STRIP1: variants seen among roughly 807,000 people sequenced by gnomAD.
The protein encoded by STRIP1 is striatin interacting protein 1.
STRIP1 carries 63 observed loss-of-function variants against 106.2 expected under a neutral mutation model. That is an observed-to-expected ratio of 0.59 (90% CI 0.48 to 0.73). The LOEUF (loss-of-function observed/expected upper bound fraction) is 0.73. Ranked by LOEUF, STRIP1 falls within the 30% of genes least tolerant of loss-of-function variation. STRIP1 has a pLI of 0.00. For missense variants in STRIP1, 857 were observed against 1,074.8 expected (o/e 0.80, Z 2.83); for synonymous variants, 390 against 413.0 (o/e 0.94, Z 0.67).
chr1:110,043,702 TC>T lies in STRIP1; in HGVS notation c.1133del (p.Ser378PhefsTer26). The T allele has an allele frequency of 6.2e-7, 1 of 1,614,136 alleles. No homozygotes were observed. Among genetic ancestry groups the T allele is most frequent in the East Asian group, 2.2e-5 (1 of 44,882 alleles). On this transcript the variant is annotated frameshift_variant, in exon 10 of 21. Coordinates refer to ENST00000369795, the MANE Select transcript of STRIP1 (RefSeq NM_033088.4). LOFTEE classifies it high-confidence loss of function. ...GCGGGATCCCTACAAGGCTGATGACTCTCGAGAAGAGGAAGAGGAGAATGAT... is the reference window on the plus strand; with the variant it reads ...GCGGGATCCCTACAAGGCTGATGACTTCGAGAAGAGGAAGAGGAGAATGAT... ...NERDPYKADDSREEEEENDDD... is the reference protein window; with the variant it reads ...NERDPYKADDXREEEEENDDD...
chr1:110,043,560 TGCTGTGTCTCCTCTG>T, intron 9 of STRIP1, 64 bp from the exon 10 acceptor site: 1 of 1,272,752 alleles, frequency 7.9e-7, no homozygotes, highest in East Asian at 2.4e-5. Context: ...CACCTGTATG[TGCTGTGTCTCCTCTG>T]GCTGCACTTC....
At position 110,051,037 on chromosome 1, in the gene STRIP1, A is replaced by G; in HGVS notation, c.2038A>G (p.Lys680Glu). ...NLLRILNKLT[K>E]WKHSRTMMLV... ...GCTTCGGATCTTGAACAAGCTGACA[A>G]AGTGGAAGCATTCAAGGACAATGGT... The change falls in exon 19 of 21, where the codon AAG (lysine) becomes GAG (glutamate). Residue 680 changes from lysine (K) to glutamate (E), a missense_variant. Lys to Glu is a moderately conservative substitution (Grantham distance 56, BLOSUM62 1). This residue lies in a region of STRIP1 where 750 missense variants were observed against 989.8 expected (regional missense o/e 0.76). Transcript: ENST00000369795. 2 of 1,612,248 alleles carry G rather than the reference A, an allele frequency of 1.2e-6. No homozygotes were observed. Among genetic ancestry groups the G allele is most frequent in the East Asian group, 2.2e-5 (1 of 44,876 alleles).
rs1343500971 is a variant in STRIP1, at chr1:110,037,862, T to A, written c.181-29T>A. On this transcript the variant is annotated intron_variant, in intron 1 of 20. Transcript: ENST00000369795. ...TCTTTGATAAATAGAATGATCCTTT[T>A]TCCTAAAGCTCTCTCCTCTTGTCAG... The A allele has an allele frequency of 2.0e-6, 3 of 1,530,686 alleles. No individual in the cohort carries two copies. In the East Asian group the frequency reaches 6.8e-5, roughly 34 times the overall value. The allele number at this position is 1,530,686 out of a possible 1,614,324, so 94.8% of individuals were successfully genotyped here.
In STRIP1 at chr1:110,039,207, C is replaced by T; in HGVS notation, c.361C>T (p.Gln121Ter). Residue 121 changes from glutamine to a stop codon, truncating the protein, a stop_gained, in exon 4 of 21, where the codon CAG (glutamine) becomes TAG (stop). Transcript: ENST00000369795. LOFTEE classifies it high-confidence loss of function. ...DKKWTELDTN[Q>*]HRTHAMRLLD... ...GAAGTGGACTGAGCTGGATACCAACCAGCACCGGACCCATGCCATGAGGCT... is the reference window on the plus strand; with the variant it reads ...GAAGTGGACTGAGCTGGATACCAACTAGCACCGGACCCATGCCATGAGGCT... 2 of 1,614,206 alleles carry T rather than the reference C, an allele frequency of 1.2e-6. No individual in the cohort carries two copies. The highest frequency in any genetic ancestry group is 1.7e-6 in the Non-Finnish European group (2 of 1,180,032).
chr1:110,035,980 C>G (rs1652433168), intron 1 of STRIP1, among the ~76,000 whole-genome samples: 1 of 152,160 alleles, frequency 6.6e-6, no homozygotes, highest in African/African-American at 2.4e-5. Flanking sequence ...GGATGACGGA[C>G]ATCAGTGTTA....
intron 13 of STRIP1, among the ~76,000 whole-genome samples, 180 bp downstream of exon 13, chr1:110,046,931 T>C (rs558899474): frequency 6.6e-6 from 1 of 151,548 alleles, no homozygotes; most frequent in Non-Finnish European, 1.5e-5. Flanking sequence ...GCGCCTGTAG[T>C]CCCAGCTATT....
chr1:110,040,025 C>T, intron 5 of STRIP1: 1 of 602,270 alleles, frequency 1.7e-6, no homozygotes, highest in South Asian at 1.5e-5. Flanking sequence ...GCATTGTTCT[C>T]AGAATATTAC....
rs1652835057 is a variant in STRIP1 at position 110,042,971 on chromosome 1, G to T, written c.886-117G>T. The T allele has an allele frequency of 2.6e-5, 26 of 985,278 alleles. No individual in the cohort carries two copies. The South Asian group carries it at 4.4e-4, about 17-fold the overall frequency. The allele number at this position is 985,278 out of a possible 1,614,324, so 61.0% of individuals were successfully genotyped here. A position where few individuals can be genotyped will look rare whatever the true frequency, so the allele number is the denominator to read the frequency against. ...TCAGTCCATTGTTCAGGAGTTGCCTGGGTCTCTATAAAGACATGGGTCATG... is the reference window on the plus strand; with the variant it reads ...TCAGTCCATTGTTCAGGAGTTGCCTTGGTCTCTATAAAGACATGGGTCATG... On this transcript the variant is annotated intron_variant, in intron 8 of 20. Coordinates refer to ENST00000369795, the MANE Select transcript of STRIP1 (RefSeq NM_033088.4).
At chr1:110,040,542 C>A in intron 5 of STRIP1, 93 bp from the exon 6 acceptor site, 2 of 1,233,024 alleles carry the variant, frequency 1.6e-6, no homozygotes, top group Non-Finnish European at 1.1e-6. Flanking sequence ...GCACGTATCA[C>A]AGCATTTTGT....
chr1:110,042,914 C>T (rs548607205), intron 8 of STRIP1, 174 bp from the exon 9 acceptor site: 6 of 596,976 alleles, frequency 1.0e-5, no homozygotes, highest in Admixed American at 6.1e-5. Context: ...CTTTCCCTTG[C>T]GGATGTCACG....
chr1:110,035,962 G>C (rs1415015848), intron 1 of STRIP1, among the ~76,000 whole-genome samples: 2 of 152,302 alleles, frequency 1.3e-5, no homozygotes, highest in East Asian at 3.9e-4. Flanking sequence ...AGGAGCCCTG[G>C]CATGGTGGGA....
intron 19 of STRIP1, 51 bp from the exon 20 acceptor site, chr1:110,051,632 T>A: frequency 6.6e-7 from 1 of 1,517,306 alleles, no homozygotes; most frequent in Non-Finnish European, 9.0e-7. Context: ...CTGGGATGTA[T>A]GCATTTATTT....
chr1:110,053,568 T>C (rs1465262257), intron 20 of STRIP1, 97 bp from the exon 21 acceptor site: 1 of 1,514,498 alleles, frequency 6.6e-7, no homozygotes, highest in South Asian at 1.3e-5. Context: ...GGAGGTATCC[T>C]GCTCTTAGTT....
intron 1 of STRIP1, among the ~76,000 whole-genome samples, chr1:110,037,360 T>C (rs1317150780): frequency 6.6e-6 from 1 of 152,184 alleles, no homozygotes; most frequent in Non-Finnish European, 1.5e-5. Flanking sequence ...GCGGCTGCCT[T>C]CTTTGTCAGT....
At position 110,041,545 on chromosome 1, in the gene STRIP1, C is replaced by G; in HGVS notation, c.660C>G (p.Leu220=). 1.2e-6 allele frequency: 2 copies of G among 1,613,698 alleles called. No homozygotes were observed. Among genetic ancestry groups the G allele is most frequent in the Non-Finnish European group, 1.7e-6 (2 of 1,179,700 alleles). ...LADSTDLRVL[L]NIMYLIVETV... ...TGGCTCTTGTCCTCAGGGTCCTGCTCAACATCATGTACCTGATAGTGGAGA... is the reference window on the plus strand; with the variant it reads ...TGGCTCTTGTCCTCAGGGTCCTGCTGAACATCATGTACCTGATAGTGGAGA... Residue 220 remains leucine (L), a synonymous_variant, in exon 7 of 21, where the codon CTC becomes CTG. Coordinates refer to ENST00000369795, the MANE Select transcript of STRIP1 (RefSeq NM_033088.4).
intron 12 of STRIP1, 61 bp downstream of exon 12, chr1:110,045,139 C>A: frequency 1.3e-6 from 2 of 1,493,822 alleles, no homozygotes; most frequent in Non-Finnish European, 1.9e-6. Flanking sequence ...GTGAAACCAG[C>A]CTGTAGGGAG....
At chr1:110,048,585 T>C (rs1329847640) in intron 15 of STRIP1, among the ~76,000 whole-genome samples, 1 of 152,194 alleles carries the variant, frequency 6.6e-6, no homozygotes, top group Non-Finnish European at 1.5e-5. Context: ...GTGATGGTCC[T>C]TGGAAAAAAG....
At chr1:110,041,289 C>T in intron 6 of STRIP1, 1 of 366,638 alleles carries the variant, frequency 2.7e-6, no homozygotes, top group Non-Finnish European at 5.0e-6. Flanking sequence ...TCATCATAAA[C>T]CCTGTTTTTG....
At chr1:110,042,823 T>C in intron 8 of STRIP1, 1 of 368,288 alleles carries the variant, frequency 2.7e-6, no homozygotes. Flanking sequence ...AATTGAAGAG[T>C]ATGTCATAGG....
Sources: gnomAD v4.1 joint callset for allele counts (sites outside exome capture counted in the v4.1 genomes callset) on GRCh38, gnomAD v4.1.1 for gene constraint, gnomAD v4.1.1 regional missense constraint, MANE v1.5 for transcripts, NCBI Gene and HGNC (gene_info 2026-07-23, HGNC 2026-07-21) for gene names.